Variants in MYH15 observed in about 807,000 individuals in gnomAD.
MYH15 encodes myosin-15.
In MYH15, 227 loss-of-function variants were observed where a neutral mutation model predicts 240.5. The ratio of observed to expected loss-of-function variants is 0.94; its 90% confidence interval spans 0.85 to 1.05. The LOEUF is 1.05. MYH15 is among the 50% of genes least tolerant of loss of function. The probability of loss-of-function intolerance (pLI) is 0.00; values close to 1 mark genes in which losing one functional copy is unlikely to be tolerated. For missense variants in MYH15, 2,217 were observed against 2,247.5 expected (o/e 0.99, Z 0.27); for synonymous variants, 785 against 796.7 (o/e 0.99, Z 0.25).
chr3:108,534,037 GC>G (rs1301614053), upstream of MYH15, among the ~76,000 whole-genome samples: 4 of 152,290 alleles, frequency 2.6e-5, no homozygotes, highest in African/African-American at 9.6e-5. Flanking sequence ...CATTTGAAGA[GC>G]TTTTTTGAAA....
chr3:108,384,814 T>A, intron 38 of MYH15, 32 bp from the exon 39 acceptor site: 1 of 1,588,296 alleles, frequency 6.3e-7, no homozygotes, highest in Non-Finnish European at 8.6e-7. Context: ...GGGAAGGTGA[T>A]TCAGAGGATC....
intron 15 of MYH15, 114 bp downstream of exon 15, chr3:108,464,524 G>A (rs1576249875): frequency 1.8e-6 from 2 of 1,083,040 alleles, no homozygotes; most frequent in African/African-American, 3.2e-5. Flanking sequence ...GATGTATTTT[G>A]TTCTTCTCTT....
chr3:108,436,070 C>T (rs1218621502), intron 25 of MYH15, among the ~76,000 whole-genome samples: 1 of 152,076 alleles, frequency 6.6e-6, no homozygotes, highest in African/African-American at 2.4e-5. Context: ...ATTCCAATAC[C>T]ATTTAAGTCT....
intron 12 of MYH15, among the ~76,000 whole-genome samples, chr3:108,475,853 AT>A (rs2083215477): frequency 2.0e-5 from 3 of 152,318 alleles, no homozygotes; most frequent in Middle Eastern, 3.4e-3. Flanking sequence ...GCCTCAAAGA[AT>A]TTGTTATTCT....
chr3:108,529,663 T>C (rs2083699016), upstream of MYH15, among the ~76,000 whole-genome samples: 1 of 151,980 alleles, frequency 6.6e-6, no homozygotes, highest in African/African-American at 2.4e-5. Context: ...TAAAACAACT[T>C]AAGAAAAAAG....
chr3:108,463,100 G>A lies in MYH15; in HGVS notation c.1864+11C>T. 1 of 1,589,570 alleles carries A rather than the reference G, an allele frequency of 6.3e-7. No homozygotes were observed. Among genetic ancestry groups the A allele is most frequent in the East Asian group, 2.2e-5 (1 of 44,690 alleles). Reference sequence around the variant, plus strand: ...TGAGGCTGAAAAATCAAGGAAGATTGTATGACTCACCACTGTCAGTACTCA... The same window carrying A: ...TGAGGCTGAAAAATCAAGGAAGATTATATGACTCACCACTGTCAGTACTCA... On this transcript the variant is annotated intron_variant, in intron 16 of 40. Transcript: ENST00000693548.
intron 21 of MYH15, among the ~76,000 whole-genome samples, chr3:108,453,296 A>C (rs767752115): frequency 2.0e-5 from 3 of 152,218 alleles, no homozygotes; most frequent in Non-Finnish European, 4.4e-5. Context: ...CCATGTAATA[A>C]TCTTTTTCTC....
rs201940859 is a variant in MYH15 at position 108,398,817 on chromosome 3, G to C, written c.4953C>G (p.Asp1651Glu). Residue 1651 changes from aspartate (D) to glutamate (E), a missense_variant, in exon 35 of 41, where the codon GAC (aspartate) becomes GAG (glutamate). Asp to Glu is a conservative substitution (Grantham distance 45). Coordinates refer to ENST00000693548, the MANE Select transcript of MYH15 (RefSeq NM_014981.3). Reference protein sequence around the residue: ...QIKDLQMQLDDSTQLNSDLKE... With the variant: ...QIKDLQMQLDESTQLNSDLKE... The stretch of plus-strand genomic sequence containing the variant: ...TCAGATCACTGTTCAGTTGTGTGCT[G>C]TCATCCAGCTGCATTTGAAGGTCCT... 2 of 1,614,202 alleles carry C rather than the reference G, an allele frequency of 1.2e-6. No homozygotes were observed. Among genetic ancestry groups the C allele is most frequent in the East Asian group, 2.2e-5 (1 of 44,886 alleles).
At chr3:108,534,700 TAA>T in the MYH15 span, among the ~76,000 whole-genome samples, 89 of 134,648 alleles carry the variant, frequency 6.6e-4, no homozygotes, top group Admixed American at 1.2e-3. Context: ...ATCACATCTC[TAA>T]AAAAAAAAAA....
intron 1 of MYH15, among the ~76,000 whole-genome samples, chr3:108,520,296 A>G (rs1432813369): frequency 3.3e-5 from 5 of 152,228 alleles, no homozygotes; most frequent in Non-Finnish European, 4.4e-5. Context: ...TTTGTTTCGT[A>G]TAACAACCCC....
chr3:108,538,617 A>T, the MYH15 span, among the ~76,000 whole-genome samples: 1 of 152,214 alleles, frequency 6.6e-6, no homozygotes, highest in Non-Finnish European at 1.5e-5. Context: ...AGTGACAGAG[A>T]GAAATGAAAG....
chr3:108,439,963 G>C (rs1294804168), intron 23 of MYH15, 50 bp from the exon 24 acceptor site: 2 of 1,451,804 alleles, frequency 1.4e-6, no homozygotes, highest in Non-Finnish European at 1.8e-6. Flanking sequence ...GGAAAGTTGG[G>C]CATAACACTG....
At chr3:108,506,121 C>G (rs6790680) in intron 1 of MYH15, among the ~76,000 whole-genome samples, 18,981 of 152,104 alleles carry the variant, frequency 0.12, 1,427 homozygotes, top group East Asian at 0.39. Context: ...CCAACACTTT[C>G]CTCCACTCAC....
At chr3:108,489,363 C>CAATA (rs1391106232) in intron 9 of MYH15, among the ~76,000 whole-genome samples, 1 of 150,380 alleles carries the variant, frequency 6.6e-6, no homozygotes, top group Non-Finnish European at 1.5e-5. Flanking sequence ...AGAATAGACA[C>CAATA]AATAAATAAA....
chr3:108,400,926 G>C (rs1157559050), intron 33 of MYH15, among the ~76,000 whole-genome samples: 1 of 152,160 alleles, frequency 6.6e-6, no homozygotes, highest in Non-Finnish European at 1.5e-5. Flanking sequence ...CCACTGGTGA[G>C]GGAGGCCTCA....
chr3:108,397,790 C>T (rs1319591342), intron 35 of MYH15, among the ~76,000 whole-genome samples: 1 of 152,132 alleles, frequency 6.6e-6, no homozygotes, highest in East Asian at 1.9e-4. Context: ...TTTCCTGGCT[C>T]CAAGACAGGA....
chr3:108,501,646 A>C, intron 3 of MYH15, 66 bp downstream of exon 3: 1 of 1,596,566 alleles, frequency 6.3e-7, no homozygotes, highest in South Asian at 1.1e-5. Context: ...GAGATCACCC[A>C]GGAGAGATTG....
chr3:108,487,040 G>A (rs2083311533), intron 9 of MYH15, among the ~76,000 whole-genome samples: 1 of 152,202 alleles, frequency 6.6e-6, no homozygotes, highest in Non-Finnish European at 1.5e-5. Context: ...TTAGAGAACT[G>A]AGTCTGTCTT....
chr3:108,412,736 G>A (rs2082604003), intron 30 of MYH15, among the ~76,000 whole-genome samples: 1 of 152,318 alleles, frequency 6.6e-6, no homozygotes, highest in South Asian at 2.1e-4. Flanking sequence ...GAATTCAGAA[G>A]CAGTACAATG....
Sources: allele counts gnomAD v4.1 joint callset (sites outside exome capture counted in the v4.1 genomes callset), GRCh38; gene constraint gnomAD v4.1.1; transcripts MANE v1.5; gene names NCBI Gene and HGNC (gene_info 2026-07-23, HGNC 2026-07-21).